KAZN: variants seen among roughly 807,000 people sequenced by gnomAD.
The protein encoded by KAZN is kazrin, periplakin interacting protein.
Under a neutral mutation model 87.4 loss-of-function variants are expected in KAZN, and 40 were observed. The ratio of observed to expected loss-of-function variants is 0.46; its 90% CI spans 0.36 to 0.60. The LOEUF (loss-of-function observed/expected upper bound fraction) is 0.60. Among genes scored for constraint, KAZN ranks in the 20% least tolerant of loss-of-function variants. The pLI is 0.00. For missense variants in KAZN, 898 were observed against 1,073.9 expected, an observed-to-expected ratio of 0.84 and a Z score of 2.29; for synonymous variants, 466 against 458.3, an observed-to-expected ratio of 1.02 and a Z score of -0.22.
At chr1:13,931,734 G>C (rs899766030) in intron 1 of KAZN, among the ~76,000 whole-genome samples, 1 of 152,096 alleles carries the variant, frequency 6.6e-6, no homozygotes, top group African/African-American at 2.4e-5. Flanking sequence ...CTTATATGTA[G>C]CTTAGACTGA....
intron 2 of KAZN, among the ~76,000 whole-genome samples, chr1:14,256,662 G>A (rs999918543): frequency 6.6e-6 from 1 of 152,154 alleles, no homozygotes; most frequent in African/African-American, 2.4e-5. Flanking sequence ...TGTGATTGTG[G>A]CAACTGATTT....
chr1:14,970,374 A>G (rs1664898935), intron 2 of KAZN, among the ~76,000 whole-genome samples: 1 of 152,106 alleles, frequency 6.6e-6, no homozygotes, highest in Non-Finnish European at 1.5e-5. Flanking sequence ...CTCCTTGGCA[A>G]CCCCGTGACT....
At chr1:14,940,373 C>A (rs1240173342) in intron 1 of KAZN, among the ~76,000 whole-genome samples, 1 of 152,238 alleles carries the variant, frequency 6.6e-6, no homozygotes, top group Non-Finnish European at 1.5e-5. Flanking sequence ...ACAGTAGCAT[C>A]CACCCATTGG....
intron 1 of KAZN, among the ~76,000 whole-genome samples, chr1:14,710,878 C>A (rs963995910): frequency 6.6e-6 from 1 of 152,234 alleles, no homozygotes; most frequent in East Asian, 1.9e-4. Context: ...TATAGTAGAA[C>A]CTTAATAAAT....
Position 14,735,092 on chromosome 1 carries a change from C to A in KAZN, c.226+135869C>A, listed in dbSNP as rs1480403407. Among the ~76,000 whole-genome samples, 4 of 152,290 alleles carry A rather than the reference C, an allele frequency of 2.6e-5. No homozygotes were observed. In the East Asian group the frequency reaches 7.7e-4, roughly 29 times the overall value. On this transcript the variant is annotated intron_variant, in intron 1 of 14. Coordinates refer to ENST00000376030, the MANE Select transcript of KAZN (RefSeq NM_201628.3). The surrounding 1 kb of genome is among the most constrained non-coding windows in gnomAD (Gnocchi z 4.3). The stretch of plus-strand genomic sequence containing the variant: ...TGTTTTGTTTTGAGACGGAGTCTCG[C>A]TCTTTCGCCCAGGCCGGACTGTAGT...
At chr1:13,986,581 AG>A (rs1205420578) in intron 1 of KAZN, among the ~76,000 whole-genome samples, 3 of 152,238 alleles carry the variant, frequency 2.0e-5, no homozygotes, top group African/African-American at 7.2e-5. Context: ...CTAAATGTAA[AG>A]ATTAAATGAC....
chr1:14,783,132 TG>T (rs1645406606), intron 1 of KAZN, among the ~76,000 whole-genome samples: 1 of 152,174 alleles, frequency 6.6e-6, no homozygotes, highest in Non-Finnish European at 1.5e-5. Context: ...TTAGATTGGC[TG>T]TAACATGTCA....
chr1:14,933,069 C>T (rs1450223396), intron 1 of KAZN, among the ~76,000 whole-genome samples: 1 of 152,064 alleles, frequency 6.6e-6, no homozygotes, highest in Non-Finnish European at 1.5e-5. Flanking sequence ...AGGATCACAC[C>T]GTAGTTGCAG....
At chr1:14,550,700 CTTT>C (rs1673443375) in intron 2 of KAZN, among the ~76,000 whole-genome samples, 2 of 113,240 alleles carry the variant, frequency 1.8e-5, no homozygotes, top group African/African-American at 3.2e-5. Context: ...CCTCTCTCCT[CTTT>C]TCTCTCTCTC....
At chr1:14,921,134 G>A (rs1658466381) in intron 1 of KAZN, among the ~76,000 whole-genome samples, 1 of 146,882 alleles carries the variant, frequency 6.8e-6, no homozygotes, top group Non-Finnish European at 1.5e-5. Context: ...GCCATCTGCA[G>A]TCCTGGGCCT....
chr1:15,071,682 C>G (rs1228381372), intron 8 of KAZN, among the ~76,000 whole-genome samples: 3 of 152,180 alleles, frequency 2.0e-5, no homozygotes, highest in Non-Finnish European at 2.9e-5. Context: ...AAAATGATCC[C>G]AACAGGATTG....
rs1161528409 is a variant in KAZN at position 15,116,062 on chromosome 1, AGCCTTCGG to A, written c.*1432_*1439del. 1 of 152,256 alleles carries A rather than the reference AGCCTTCGG, an allele frequency of 6.6e-6. No homozygotes were observed. Among genetic ancestry groups the A allele is most frequent in the Non-Finnish European group, 1.5e-5 (1 of 68,060 alleles). The allele number at this position is 152,256 out of a possible 1,614,324, so 9.4% of individuals were successfully genotyped here. Reference sequence around the variant, plus strand: ...CAGCCTTGAAAACCAGTTTGACTCAAGCCTTCGGGCCTCAGTTCATTGACCAGATGACA... The same window carrying A: ...CAGCCTTGAAAACCAGTTTGACTCAAGCCTCAGTTCATTGACCAGATGACA... On this transcript the variant is annotated 3_prime_UTR_variant, in exon 15 of 15. Coordinates refer to ENST00000376030, the MANE Select transcript of KAZN (RefSeq NM_201628.3).
chr1:14,868,523 C>T (rs907234269), intron 1 of KAZN, among the ~76,000 whole-genome samples: 1 of 152,072 alleles, frequency 6.6e-6, no homozygotes, highest in East Asian at 1.9e-4. Flanking sequence ...ACCACTTCCC[C>T]GTGGGCCCTT....
In KAZN at chr1:14,184,670, G is replaced by T. The variant is rs1258402779; in HGVS notation, c.249+4078G>T. 6.6e-6 allele frequency among the ~76,000 whole-genome samples: 1 copy of T among 152,064 alleles called. No individual in the cohort carries two copies. The highest frequency in any genetic ancestry group is 1.5e-5 in the Non-Finnish European group (1 of 68,012). The stretch of plus-strand genomic sequence containing the variant: ...TCTAGATGATTGTGCTTTCCAATTG[G>T]TTTCTGGCAAAACTGGGCCGATTGA... On this transcript the variant is annotated intron_variant, in intron 2 of 16. Coordinates refer to the KAZN transcript ENST00000636203. The surrounding 1 kb of genome is among the most constrained non-coding windows in gnomAD (Gnocchi z 4.2).
rs948090248 is a variant in KAZN, at chr1:15,114,679, G to A, written c.*44G>A. 3.0e-5 allele frequency: 47 copies of A among 1,542,796 alleles called. No homozygotes were observed. Among genetic ancestry groups the A allele is most frequent in the Non-Finnish European group, 4.0e-5 (46 of 1,142,348 alleles). On this transcript the variant is annotated 3_prime_UTR_variant, in exon 15 of 15. Coordinates refer to ENST00000376030, the MANE Select transcript of KAZN (RefSeq NM_201628.3). ...AGACCCAACGTGAGAGACCCAGGAA[G>A]GAAGAGAAGCCAGATGGCCCCAGGT...
At chr1:14,567,456 G>A (rs1674612697) in intron 2 of KAZN, among the ~76,000 whole-genome samples, 1 of 152,178 alleles carries the variant, frequency 6.6e-6, no homozygotes, top group Admixed American at 6.5e-5. Context: ...GAGACACAAA[G>A]TGAGCACATG....
intron 1 of KAZN, among the ~76,000 whole-genome samples, chr1:14,600,378 T>A (rs892955734): frequency 1.3e-5 from 2 of 152,188 alleles, no homozygotes; most frequent in African/African-American, 4.8e-5. Flanking sequence ...CATCAGTCTC[T>A]GTTTCCACCT....
chr1:14,833,905 G>A (rs186806723), intron 1 of KAZN, among the ~76,000 whole-genome samples: 109 of 151,924 alleles, frequency 7.2e-4, no homozygotes, highest in South Asian at 1.7e-3. Context: ...TAAGAGCCGA[G>A]AATGTCATCA....
intron 2 of KAZN, among the ~76,000 whole-genome samples, chr1:14,415,591 G>GC (rs1331771654): frequency 6.6e-6 from 1 of 152,140 alleles, no homozygotes; most frequent in African/African-American, 2.4e-5. Flanking sequence ...AAGGAATGCA[G>GC]CCATCAACCA....
Sources: allele counts gnomAD v4.1 joint callset (sites outside exome capture counted in the v4.1 genomes callset), GRCh38; gene constraint gnomAD v4.1.1; non-coding constraint Gnocchi (gnomAD v3.1); transcripts MANE v1.5; gene names NCBI Gene and HGNC (gene_info 2026-07-23, HGNC 2026-07-21).